EDA: variants seen among roughly 807,000 people sequenced by gnomAD.
The protein encoded by EDA is ectodysplasin A.
Under a neutral mutation model 23.6 loss-of-function variants are expected in EDA, and 2 were observed. That is an observed-to-expected ratio of 0.08 (90% CI 0.03 to 0.27). The LOEUF is 0.27. EDA is among the 10% of genes least tolerant of loss of function. EDA has a pLI of 1.00. For synonymous variants in EDA, 131 were observed against 132.0 expected, an observed-to-expected ratio of 0.99 and a Z score of 0.05; for missense variants, 229 against 324.2, an observed-to-expected ratio of 0.71 and a Z score of 2.26.
intron 1 of EDA, among the ~76,000 whole-genome samples, chrX:69,904,303 T>C (rs1417879573): frequency 8.9e-6 from 1 of 111,943 alleles, no homozygotes; most frequent in Non-Finnish European, 1.9e-5. Flanking sequence ...TAGATATTAT[T>C]CCTTTTATTC....
chrX:69,851,000 T>C (rs2017112890), intron 1 of EDA, among the ~76,000 whole-genome samples: 1 of 112,210 alleles, frequency 8.9e-6, no homozygotes, highest in Non-Finnish European at 1.9e-5. Context: ...CTGTGAAATC[T>C]TATTTGTTTA....
intron 1 of EDA, among the ~76,000 whole-genome samples, chrX:69,762,418 C>T (rs927316068): frequency 1.2e-4 from 13 of 111,843 alleles, no homozygotes; most frequent in African/African-American, 2.6e-4. Flanking sequence ...TTTCCCTCTG[C>T]GAGGAAGGCT....
intron 1 of EDA, among the ~76,000 whole-genome samples, chrX:69,790,501 G>A (rs145033120): frequency 0.014 from 1,543 of 111,751 alleles, 18 homozygotes; most frequent in African/African-American, 0.045. Context: ...CCCACTCAGT[G>A]ACTGAAATAC....
chrX:69,763,466 C>A (rs945773669), intron 1 of EDA, among the ~76,000 whole-genome samples: 1 of 111,926 alleles, frequency 8.9e-6, no homozygotes, highest in Non-Finnish European at 1.9e-5. Context: ...TCAGATTTAT[C>A]AGTTCAAAAA....
chrX:69,871,326 A>C (rs1335184974), intron 1 of EDA, among the ~76,000 whole-genome samples: 2 of 111,647 alleles, frequency 1.8e-5, no homozygotes, highest in African/African-American at 6.5e-5. Context: ...CAGAACTAAC[A>C]GTATGCATAT....
rs1464241796 is a variant in EDA, at chrX:69,674,792, C to A, written c.396+58088C>A. Among the ~76,000 whole-genome samples, 4 of 111,356 alleles carry A rather than the reference C, an allele frequency of 3.6e-5. No homozygotes were observed. In the Admixed American group the frequency reaches 3.8e-4, roughly 11 times the overall value. On this transcript the variant is annotated intron_variant, in intron 1 of 7. Transcript: ENST00000374552. Reference sequence around the variant, plus strand: ...GCCAAATCAGCCTGTTTGTTTTGAGCTTTAAGAACCTTCTTGACTTTTCTT... The same window carrying A: ...GCCAAATCAGCCTGTTTGTTTTGAGATTTAAGAACCTTCTTGACTTTTCTT...
chrX:69,961,021 AAAAG>A (rs749084242), intron 2 of EDA, among the ~76,000 whole-genome samples: 6 of 88,455 alleles, frequency 6.8e-5, no homozygotes, highest in East Asian at 2.6e-3. Context: ...TCCATCCAAA[AAAAG>A]AAAAAAAAAG....
intron 6 of EDA, among the ~76,000 whole-genome samples, chrX:70,032,704 A>G (rs2020217307): frequency 9.0e-6 from 1 of 111,131 alleles, no homozygotes; most frequent in Non-Finnish European, 1.9e-5. Context: ...CTCGGCTCCT[A>G]TCCTCCCAGC....
chrX:69,932,674 TA>T (rs1450553078), intron 1 of EDA, among the ~76,000 whole-genome samples: 8 of 111,042 alleles, frequency 7.2e-5, no homozygotes, highest in Non-Finnish European at 1.5e-4. Flanking sequence ...ACATAGTTTT[TA>T]AAAATATGAA....
chrX:69,945,758 A>G (rs1418995405), intron 1 of EDA, among the ~76,000 whole-genome samples: 1 of 111,922 alleles, frequency 8.9e-6, no homozygotes, highest in African/African-American at 3.2e-5. Context: ...ACTCACTTTC[A>G]TGGTCACAAG....
chrX:69,695,741 C>T (rs1467624683), intron 1 of EDA, among the ~76,000 whole-genome samples: 1 of 107,686 alleles, frequency 9.3e-6, no homozygotes, highest in African/African-American at 3.4e-5. Context: ...ACCTTGTGAT[C>T]CACCCGCCTC....
At position 70,035,810 on chromosome X, in the gene EDA, G is replaced by C. The variant is rs760564737; in HGVS notation, c.*201G>C. The C allele has an allele frequency of 1.7e-4, 81 of 467,472 alleles. No individual in the cohort carries two copies. The African/African-American group carries it at 1.9e-3, about 11-fold the overall frequency. 38.5% of individuals were successfully genotyped at this position (467,472 alleles called of 1,213,427 possible). ...AGAATGACCTTGAGTTAACAGGACA[G>C]TTGATGGAGCCCCAGGGTTTACATG... On this transcript the variant is annotated 3_prime_UTR_variant, in exon 8 of 8. Coordinates refer to ENST00000374552, the MANE Select transcript of EDA (RefSeq NM_001399.5).
intron 1 of EDA, among the ~76,000 whole-genome samples, chrX:69,801,794 A>G (rs928783853): frequency 1.8e-5 from 2 of 111,937 alleles, no homozygotes; most frequent in Non-Finnish European, 1.9e-5. Flanking sequence ...AGTTAATACC[A>G]CCAAGTTAAC....
At chrX:70,022,338 A>ATTTTAT (rs201926519) in intron 2 of EDA, among the ~76,000 whole-genome samples, 1 of 105,793 alleles carries the variant, frequency 9.5e-6, no homozygotes, top group African/African-American at 3.6e-5. Flanking sequence ...ATTTTATTTT[A>ATTTTAT]TTTATTTATT....
At chrX:69,808,942 C>A (rs1324875624) in intron 1 of EDA, among the ~76,000 whole-genome samples, 1 of 111,415 alleles carries the variant, frequency 9.0e-6, no homozygotes, top group Admixed American at 9.5e-5. Flanking sequence ...CCATATTGGG[C>A]TCATCAAGAA....
chrX:70,022,095 C>A (rs1414585780), intron 2 of EDA, among the ~76,000 whole-genome samples: 3 of 110,070 alleles, frequency 2.7e-5, no homozygotes, highest in Admixed American at 1.9e-4. Context: ...AAAGTCAAAT[C>A]CGTATACAGA....
At chrX:69,766,016 C>T (rs762971597) in intron 1 of EDA, among the ~76,000 whole-genome samples, 1 of 111,795 alleles carries the variant, frequency 8.9e-6, no homozygotes, top group Non-Finnish European at 1.9e-5. Context: ...TCACTGAGCA[C>T]GATACCCTTG....
intron 1 of EDA, among the ~76,000 whole-genome samples, chrX:69,723,266 C>T (rs1214015275): frequency 8.9e-6 from 1 of 111,900 alleles, no homozygotes; most frequent in East Asian, 2.8e-4. Flanking sequence ...GTTAACCATC[C>T]ATAAATATTT....
At chrX:69,808,489 G>T (rs1050965158) in intron 1 of EDA, among the ~76,000 whole-genome samples, 1 of 111,563 alleles carries the variant, frequency 9.0e-6, no homozygotes, top group South Asian at 3.8e-4. Flanking sequence ...TGCCCATGTG[G>T]TTGAACTCAG....
Sources: gnomAD v4.1 joint callset for allele counts (sites outside exome capture counted in the v4.1 genomes callset) on GRCh38, gnomAD v4.1.1 for gene constraint, MANE v1.5 for transcripts, NCBI Gene and HGNC (gene_info 2026-07-23, HGNC 2026-07-21) for gene names.